Variants in TNFSF8 observed in about 807,000 individuals in gnomAD.
TNFSF8 encodes the protein tumor necrosis factor ligand superfamily member 8.
TNFSF8 carries 4 observed loss-of-function variants against 22.0 expected under a neutral mutation model. The observed-to-expected ratio is 0.18, with a 90% CI of 0.09 to 0.42. TNFSF8 has a LOEUF of 0.42. Among genes scored for constraint, TNFSF8 ranks in the 10% least tolerant of loss-of-function variants. The pLI, the probability that TNFSF8 is intolerant of heterozygous loss-of-function variation, is 1.00. For synonymous variants in TNFSF8, 106 were observed against 112.5 expected (o/e 0.94, Z 0.37); for missense variants, 233 against 281.8 (o/e 0.83, Z 1.24).
intron 1 of TNFSF8, among the ~76,000 whole-genome samples, chr9:114,924,249 G>A (rs1404893188): frequency 6.6e-6 from 1 of 152,086 alleles, no homozygotes; most frequent in Non-Finnish European, 1.5e-5. Context: ...TTTCTAACAA[G>A]GCCCAGGACC....
chr9:114,915,052 T>C (rs560820200), intron 2 of TNFSF8, among the ~76,000 whole-genome samples: 1 of 152,348 alleles, frequency 6.6e-6, no homozygotes. Context: ...GGTGTCTAGC[T>C]TCTGCCCTTT....
downstream of TNFSF8, among the ~76,000 whole-genome samples, chr9:114,898,557 GAGA>G (rs1827681100): frequency 6.6e-6 from 1 of 152,162 alleles, no homozygotes; most frequent in Admixed American, 6.5e-5. Context: ...AGTAGGAAGT[GAGA>G]AGAAGGATAT....
rs1282440389 is a variant in TNFSF8, at chr9:114,904,136, T to C, written c.500A>G (p.His167Arg). Residue 167 changes from histidine (H) to arginine (R), a missense_variant, in exon 4 of 4, where the codon CAT (histidine) becomes CGT (arginine). Coordinates refer to ENST00000223795, the MANE Select transcript of TNFSF8 (RefSeq NM_001244.4). ...DLKLELLINK[H>R]IKKQALVTVC... ...TGTCACCAGGGCCTGTTTTTTGATA[T>C]GCTTGTTGATGAGAAGCTCCAACTT... 8 of 1,614,008 alleles carry C rather than the reference T, an allele frequency of 5.0e-6. No individual in the cohort carries two copies. The highest frequency in any genetic ancestry group is 6.8e-6 in the Non-Finnish European group (8 of 1,179,994).
chr9:114,897,014 T>G (rs547645410), downstream of TNFSF8, among the ~76,000 whole-genome samples: 3 of 152,310 alleles, frequency 2.0e-5, no homozygotes, highest in South Asian at 6.2e-4. Flanking sequence ...GCGATTCTCC[T>G]GCCTCAGCCT....
At chr9:114,917,053 TGA>T (rs1254827167) in intron 2 of TNFSF8, among the ~76,000 whole-genome samples, 1 of 152,196 alleles carries the variant, frequency 6.6e-6, no homozygotes, top group African/African-American at 2.4e-5. Context: ...CCCCTATTTT[TGA>T]AGTCTCTGGG....
chr9:114,929,194 T>C (rs1346827546), intron 1 of TNFSF8, among the ~76,000 whole-genome samples: 5 of 152,162 alleles, frequency 3.3e-5, no homozygotes, highest in Admixed American at 2.0e-4. Context: ...TTTCTCCTCC[T>C]CTTCTGTTTT....
chr9:114,921,456 T>G (rs1827986646), intron 1 of TNFSF8, among the ~76,000 whole-genome samples: 1 of 152,202 alleles, frequency 6.6e-6, no homozygotes, highest in African/African-American at 2.4e-5. Flanking sequence ...CTAGGAGAGA[T>G]GCTGTTTCCA....
chr9:114,920,069 T>C (rs1827968883), intron 1 of TNFSF8, among the ~76,000 whole-genome samples: 1 of 152,228 alleles, frequency 6.6e-6, no homozygotes, highest in Non-Finnish European at 1.5e-5. Context: ...TAAGTTTTTG[T>C]AGTCTTTCAG....
chr9:114,928,211 C>T (rs796723955), intron 1 of TNFSF8, among the ~76,000 whole-genome samples: 42 of 152,238 alleles, frequency 2.8e-4, no homozygotes, highest in African/African-American at 9.4e-4. Flanking sequence ...AGTGGATGCA[C>T]AAGAAGATAA....
chr9:114,906,821 C>T (rs1377680326), intron 2 of TNFSF8, among the ~76,000 whole-genome samples: 1 of 152,102 alleles, frequency 6.6e-6, no homozygotes, highest in African/African-American at 2.4e-5. Context: ...TTATACATTT[C>T]CTGCAATGAC....
intron 1 of TNFSF8, among the ~76,000 whole-genome samples, chr9:114,919,270 C>T (rs1015118376): frequency 1.1e-4 from 16 of 151,842 alleles, no homozygotes; most frequent in Admixed American, 3.3e-4. Flanking sequence ...TATATTTAAA[C>T]ATTTACATAG....
chr9:114,913,221 T>G (rs113452999), intron 2 of TNFSF8, among the ~76,000 whole-genome samples: 2,708 of 152,208 alleles, frequency 0.018, 29 homozygotes, highest in Non-Finnish European at 0.028. Flanking sequence ...CCACACGAGG[T>G]CTATCCACTG....
At chr9:114,894,265 A>C (rs1050576123) in intron 4 of TNFSF8, 3 of 963,874 alleles carry the variant, frequency 3.1e-6, no homozygotes, top group Admixed American at 2.0e-5. Context: ...GCAGGGAGGC[A>C]AATGTACAAT....
chr9:114,921,744 T>C (rs1827990098), intron 1 of TNFSF8, among the ~76,000 whole-genome samples: 3 of 152,236 alleles, frequency 2.0e-5, no homozygotes, highest in Admixed American at 2.0e-4. Flanking sequence ...TTGTGTAAGG[T>C]AGTGCCTAGG....
intron 1 of TNFSF8, among the ~76,000 whole-genome samples, chr9:114,920,695 G>C (rs951425514): frequency 6.6e-6 from 1 of 152,058 alleles, no homozygotes; most frequent in African/African-American, 2.4e-5. Context: ...TTGAGATGGA[G>C]CCTCACTCTG....
At chr9:114,921,534 G>T (rs1827987711) in intron 1 of TNFSF8, among the ~76,000 whole-genome samples, 2 of 152,236 alleles carry the variant, frequency 1.3e-5, no homozygotes, top group Admixed American at 1.3e-4. Context: ...TGCATTTGGA[G>T]GTGGAGAAGC....
Position 114,917,968 on chromosome 9 carries a change from T to C in TNFSF8, c.238+128A>G. ...AGCTCAGTCCTGAACAGCCCTTGCC[T>C]CCACCCCTACCCACTTTACTGTTGG... On this transcript the variant is annotated intron_variant, in intron 2 of 3. Transcript: ENST00000223795. 4 of 893,486 alleles carry C rather than the reference T, an allele frequency of 4.5e-6. No individual in the cohort carries two copies. The South Asian group carries it at 8.0e-5, about 18-fold the overall frequency. The allele number at this position is 893,486 out of a possible 1,614,324, so 55.3% of individuals were successfully genotyped here.
rs1827631116 is a variant in TNFSF8 at position 114,893,983 on chromosome 9, G to A, written c.*96C>T. ...TCCTGGCTATGTCGGTTTAGGCCCA[G>A]AGTGACTGGTACCATCAAGTTCATG... is the stretch of plus-strand genomic sequence containing the variant. On this transcript the variant is annotated 3_prime_UTR_variant, in exon 5 of 5. Coordinates refer to the TNFSF8 transcript ENST00000618336. The A allele has an allele frequency of 3.1e-5, 32 of 1,017,710 alleles. No individual in the cohort carries two copies. In the South Asian group the frequency reaches 4.3e-4, roughly 14 times the overall value. 63.0% of individuals were successfully genotyped at this position (1,017,710 alleles called of 1,614,324 possible). A position where few individuals can be genotyped will look rare whatever the true frequency, so the allele number is the denominator to read the frequency against.
intron 2 of TNFSF8, among the ~76,000 whole-genome samples, chr9:114,912,537 G>A (rs558460773): frequency 2.0e-5 from 3 of 152,180 alleles, no homozygotes; most frequent in South Asian, 2.1e-4. Flanking sequence ...CTACAGGCGT[G>A]TGCCACCATG....
Sources: allele counts gnomAD v4.1 joint callset (sites outside exome capture counted in the v4.1 genomes callset), GRCh38; gene constraint gnomAD v4.1.1; transcripts MANE v1.5; gene names NCBI Gene and HGNC (gene_info 2026-07-23, HGNC 2026-07-21).